The following PPP2R3A variants were observed in gnomAD, a reference collection of about 807,000 sequenced individuals.
The protein encoded by PPP2R3A is serine/threonine-protein phosphatase 2A regulatory subunit B'' subunit alpha.
In PPP2R3A, 80 loss-of-function variants were observed where a neutral mutation model predicts 106.9. The observed-to-expected ratio is 0.75, with a 90% CI of 0.62 to 0.90. The LOEUF (loss-of-function observed/expected upper bound fraction) is 0.90. PPP2R3A is among the 40% of genes least tolerant of loss of function. The pLI, the probability that PPP2R3A is intolerant of heterozygous loss-of-function variation, is 0.00. For missense variants in PPP2R3A, 1,386 were observed against 1,350.4 expected (o/e 1.03, Z -0.41); for synonymous variants, 483 against 468.3 (o/e 1.03, Z -0.41).
At chr3:136,124,025 C>T (rs1409353850) in intron 13 of PPP2R3A, among the ~76,000 whole-genome samples, 4 of 151,860 alleles carry the variant, frequency 2.6e-5, no homozygotes, top group African/African-American at 9.7e-5. Context: ...CAAATGATTA[C>T]AATAATATAA....
chr3:136,065,051 T>C (rs1936218195), intron 5 of PPP2R3A, among the ~76,000 whole-genome samples: 1 of 152,166 alleles, frequency 6.6e-6, no homozygotes, highest in Admixed American at 6.5e-5. Context: ...GTTGATATTA[T>C]CCTATGTAAA....
chr3:136,123,332 G>A (rs566807921), intron 13 of PPP2R3A, among the ~76,000 whole-genome samples: 2 of 152,248 alleles, frequency 1.3e-5, no homozygotes, highest in African/African-American at 4.8e-5. Context: ...CATGTTAAAT[G>A]TGTCAGGAAA....
chr3:136,043,275 C>T (rs1345624775), intron 4 of PPP2R3A, among the ~76,000 whole-genome samples: 1 of 152,052 alleles, frequency 6.6e-6, no homozygotes, highest in East Asian at 1.9e-4. Context: ...CTGGCTAACA[C>T]AGTGAAACCC....
At chr3:136,129,194 C>G (rs1247764225) in intron 13 of PPP2R3A, among the ~76,000 whole-genome samples, 1 of 138,948 alleles carries the variant, frequency 7.2e-6, no homozygotes, top group Non-Finnish European at 1.6e-5. Flanking sequence ...GAGATAGAGA[C>G]AAAAAAAAAA....
chr3:136,088,304 T>C (rs1443370881), intron 9 of PPP2R3A, among the ~76,000 whole-genome samples: 1 of 152,174 alleles, frequency 6.6e-6, no homozygotes, highest in Non-Finnish European at 1.5e-5. Flanking sequence ...TTTATGTCCA[T>C]GTGTACTCAG....
At chr3:136,080,232 A>G (rs1244893626) in intron 7 of PPP2R3A, among the ~76,000 whole-genome samples, 1 of 152,168 alleles carries the variant, frequency 6.6e-6, no homozygotes, top group Non-Finnish European at 1.5e-5. Context: ...CAACTACTGC[A>G]TAATCAATTC....
At chr3:136,142,243 C>T (rs1938904996) in intron 13 of PPP2R3A, among the ~76,000 whole-genome samples, 1 of 152,132 alleles carries the variant, frequency 6.6e-6, no homozygotes, top group South Asian at 2.1e-4. Context: ...TATTGTGAGA[C>T]ATACGGCACA....
At chr3:136,036,214 C>T (rs1303036802) in intron 3 of PPP2R3A, among the ~76,000 whole-genome samples, 1 of 152,128 alleles carries the variant, frequency 6.6e-6, no homozygotes, top group Non-Finnish European at 1.5e-5. Context: ...AATTCTTTTT[C>T]AGGTAAATCA....
intron 4 of PPP2R3A, among the ~76,000 whole-genome samples, chr3:136,048,109 A>G (rs1180491816): frequency 1.4e-5 from 2 of 146,864 alleles, no homozygotes; most frequent in East Asian, 1.9e-4. Flanking sequence ...ATAAAAGTTG[A>G]AAAAAAAAAG....
At chr3:136,138,325 A>T (rs963767012) in intron 13 of PPP2R3A, among the ~76,000 whole-genome samples, 3 of 152,218 alleles carry the variant, frequency 2.0e-5, no homozygotes, top group Non-Finnish European at 4.4e-5. Flanking sequence ...GTTCATAATT[A>T]GAATATATTT....
At chr3:136,124,733 T>C (rs1310132311) in intron 13 of PPP2R3A, among the ~76,000 whole-genome samples, 1 of 151,888 alleles carries the variant, frequency 6.6e-6, no homozygotes, top group Non-Finnish European at 1.5e-5. Flanking sequence ...CTTAGAAAGA[T>C]TTTTTTAAAA....
rs570925380 is a variant in PPP2R3A at position 135,988,330 on chromosome 3, T to C, written c.-440-12729T>C. 4.2e-4 allele frequency among the ~76,000 whole-genome samples: 64 copies of C among 152,110 alleles called. No individual in the cohort carries two copies. In the Middle Eastern group the frequency reaches 0.01, roughly 24 times the overall value. The stretch of plus-strand genomic sequence containing the variant: ...CTGTTTTCTATAAAACCCACTCATG[T>C]ATCCCATTGGCTCTACTTTCAAAAT... On this transcript the variant is annotated intron_variant, in intron 1 of 13. Coordinates refer to ENST00000264977, the MANE Select transcript of PPP2R3A (RefSeq NM_002718.5).
intron 6 of PPP2R3A, among the ~76,000 whole-genome samples, chr3:136,072,391 A>G (rs1936466066): frequency 6.6e-6 from 1 of 152,226 alleles, no homozygotes; most frequent in South Asian, 2.1e-4. Flanking sequence ...GAGACATTCA[A>G]GACCAGCTTG....
At chr3:136,066,216 C>A (rs1202616671) in intron 5 of PPP2R3A, among the ~76,000 whole-genome samples, 3 of 152,132 alleles carry the variant, frequency 2.0e-5, no homozygotes, top group African/African-American at 7.2e-5. Flanking sequence ...CTTCAACAAC[C>A]AGGTAGTTCA....
chr3:135,972,850 A>T (rs186559059), intron 1 of PPP2R3A, among the ~76,000 whole-genome samples: 184 of 152,294 alleles, frequency 1.2e-3, no homozygotes, highest in African/African-American at 4.0e-3. Context: ...TATGGATACA[A>T]ATCAGGTTTA....
chr3:136,068,875 C>T (rs866754779), intron 5 of PPP2R3A, among the ~76,000 whole-genome samples: 3 of 152,136 alleles, frequency 2.0e-5, no homozygotes, highest in Non-Finnish European at 4.4e-5. Context: ...ATTACGTATG[C>T]CCAGTGATGC....
intron 3 of PPP2R3A, among the ~76,000 whole-genome samples, chr3:136,027,803 C>A: frequency 6.6e-6 from 1 of 152,262 alleles, no homozygotes; most frequent in East Asian, 1.9e-4. Context: ...GGTCACACTT[C>A]AGGCTTTAGC....
At position 135,969,294 on chromosome 3, in the gene PPP2R3A, G is replaced by A. The variant is rs555982752; in HGVS notation, c.-441+3445G>A. Among the ~76,000 whole-genome samples the A allele has an allele frequency of 2.4e-4, 37 of 152,242 alleles. 1 individual carries two copies. In the East Asian group the frequency reaches 6.8e-3, roughly 28 times the overall value. Reference sequence around the variant, plus strand: ...TGGTGGCTGAGAGAAAAGAATGGTCGTATTGGAGATGGAGAGAAGTACATA... The same window carrying A: ...TGGTGGCTGAGAGAAAAGAATGGTCATATTGGAGATGGAGAGAAGTACATA... On this transcript the variant is annotated intron_variant, in intron 1 of 13. Transcript: ENST00000264977.
At chr3:136,024,459 T>C (rs1244297999) in intron 2 of PPP2R3A, among the ~76,000 whole-genome samples, 1 of 152,202 alleles carries the variant, frequency 6.6e-6, no homozygotes, top group Non-Finnish European at 1.5e-5. Context: ...GATTAATAGT[T>C]GCCTATCAGT....
Sources: allele counts gnomAD v4.1 joint callset (sites outside exome capture counted in the v4.1 genomes callset), GRCh38; gene constraint gnomAD v4.1.1; transcripts MANE v1.5; gene names NCBI Gene and HGNC (gene_info 2026-07-23, HGNC 2026-07-21).